The following CD86 variants were observed in gnomAD, a reference collection of about 807,000 sequenced individuals.
The protein encoded by CD86 is CD86 molecule, also known as T-lymphocyte activation antigen CD86.
A neutral mutation model predicts 32.1 loss-of-function variants in CD86; 11 were observed. The ratio of observed to expected loss-of-function variants is 0.34; its 90% CI spans 0.22 to 0.57. The LOEUF (loss-of-function observed/expected upper bound fraction) is 0.57. Ranked by LOEUF, CD86 falls within the 20% of genes least tolerant of loss-of-function variation. CD86 has a pLI of 0.86. For synonymous variants in CD86, 137 were observed against 135.3 expected, an observed-to-expected ratio of 1.01 and a Z score of -0.09; for missense variants, 359 against 398.4, an observed-to-expected ratio of 0.90 and a Z score of 0.84.
intron 3 of CD86, 24 bp downstream of exon 3, chr3:122,103,871 C>G (rs375186745): frequency 1.7e-5 from 27 of 1,572,266 alleles, no homozygotes; most frequent in Non-Finnish European, 2.4e-5. Flanking sequence ...GGTGTGTGTT[C>G]AGATTCTTAG....
intron 2 of CD86, among the ~76,000 whole-genome samples, chr3:122,098,248 A>G (rs28495824): frequency 5.3e-5 from 8 of 152,240 alleles, no homozygotes; most frequent in African/African-American, 1.9e-4. Flanking sequence ...CCAGGATGCT[A>G]TCTTCAATAG....
chr3:122,092,756 C>T (rs1413974149), intron 2 of CD86, among the ~76,000 whole-genome samples: 2 of 152,198 alleles, frequency 1.3e-5, no homozygotes, highest in African/African-American at 4.8e-5. Context: ...AGTTTGGCTA[C>T]AGCACCCACA....
chr3:122,098,082 TTTAA>T (rs1199980653), intron 2 of CD86, among the ~76,000 whole-genome samples: 1 of 152,252 alleles, frequency 6.6e-6, no homozygotes, highest in African/African-American at 2.4e-5. Context: ...ATTAAGCCTC[TTTAA>T]TTGCCTGTGG....
chr3:122,082,163 T>C (rs560219386), intron 1 of CD86, among the ~76,000 whole-genome samples: 1 of 152,324 alleles, frequency 6.6e-6, no homozygotes, highest in African/African-American at 2.4e-5. Context: ...TTGGTTTGAA[T>C]AGTACTTGTG....
chr3:122,094,654 A>G (rs1414916381), intron 2 of CD86, among the ~76,000 whole-genome samples: 1 of 152,242 alleles, frequency 6.6e-6, no homozygotes, highest in Non-Finnish European at 1.5e-5. Context: ...ATCCACCCTC[A>G]AAATGTAGAG....
chr3:122,104,125 T>A (rs186266609), intron 3 of CD86, among the ~76,000 whole-genome samples: 68 of 152,238 alleles, frequency 4.5e-4, no homozygotes, highest in African/African-American at 1.6e-3. Flanking sequence ...ACAAAGATAA[T>A]ATGGCTAATT....
At chr3:122,116,822 A>T (rs1026828556) in intron 5 of CD86, among the ~76,000 whole-genome samples, 19 of 152,204 alleles carry the variant, frequency 1.2e-4, no homozygotes, top group Non-Finnish European at 2.1e-4. Context: ...TTTCATGTAT[A>T]TGAAATTTGA....
At chr3:122,097,718 G>A (rs1003772819) in intron 2 of CD86, among the ~76,000 whole-genome samples, 8 of 152,170 alleles carry the variant, frequency 5.3e-5, no homozygotes, top group African/African-American at 1.4e-4. Flanking sequence ...AGTTAGCGTG[G>A]GGAATAGTGT....
In CD86 at chr3:122,098,282, G is replaced by C. The variant is rs2072940591; in HGVS notation, c.65-5230G>C. Among the ~76,000 whole-genome samples, 9 of 152,312 alleles carry C rather than the reference G, an allele frequency of 5.9e-5. No individual in the cohort carries two copies. In the South Asian group the frequency reaches 1.9e-3, roughly 32 times the overall value. ...AGAATGGTTAGAGAAATCTCCCTGGGAGGTAGCATTTAATGAAAGACCTAC... is the reference window on the plus strand; with the variant it reads ...AGAATGGTTAGAGAAATCTCCCTGGCAGGTAGCATTTAATGAAAGACCTAC... On this transcript the variant is annotated intron_variant, in intron 2 of 6. Transcript: ENST00000330540.
chr3:122,111,947 G>A (rs932621725), intron 5 of CD86, among the ~76,000 whole-genome samples: 1 of 152,148 alleles, frequency 6.6e-6, no homozygotes, highest in African/African-American at 2.4e-5. Flanking sequence ...CCCAGTTTAG[G>A]CTGTTTAAAT....
intron 2 of CD86, chr3:122,092,223 A>T (rs1207573403): frequency 6.6e-6 from 1 of 152,434 alleles, no homozygotes; most frequent in Non-Finnish European, 1.5e-5. Flanking sequence ...CAGCTGATTT[A>T]TAGTGGAGCC....
intron 1 of CD86, among the ~76,000 whole-genome samples, chr3:122,069,559 G>A (rs1191352900): frequency 6.6e-6 from 1 of 152,172 alleles, no homozygotes; most frequent in Non-Finnish European, 1.5e-5. Context: ...ATGTAGTCTT[G>A]CCGCTAGACT....
chr3:122,091,595 C>A lies in CD86; in HGVS notation c.15-6C>A. 1 of 1,604,892 alleles carries A rather than the reference C, an allele frequency of 6.2e-7. No individual in the cohort carries two copies. Among genetic ancestry groups the A allele is most frequent in the Non-Finnish European group, 8.5e-7 (1 of 1,173,316 alleles). ...CAAGTTTTACCTTTTTTTTTCTCGACTCTAGCACTATGGGACTGAGTAACA... is the reference window on the plus strand; with the variant it reads ...CAAGTTTTACCTTTTTTTTTCTCGAATCTAGCACTATGGGACTGAGTAACA... On this transcript the variant is annotated splice_region_variant and splice_polypyrimidine_tract_variant and intron_variant, in intron 1 of 6. Transcript: ENST00000330540.
intron 1 of CD86, among the ~76,000 whole-genome samples, chr3:122,077,571 C>A (rs2072571877): frequency 1.3e-5 from 2 of 152,202 alleles, no homozygotes; most frequent in Non-Finnish European, 2.9e-5. Context: ...GTGCCTGTCA[C>A]ATGGTTGCCC....
intron 1 of CD86, 101 bp downstream of exon 1, chr3:122,055,604 T>G: frequency 4.7e-6 from 5 of 1,069,504 alleles, no homozygotes; most frequent in Non-Finnish European, 7.2e-6. Context: ...CTTCACTTAG[T>G]TCCTAAGTGG....
intron 2 of CD86, among the ~76,000 whole-genome samples, chr3:122,100,336 G>C (rs1045437215): frequency 2.6e-5 from 4 of 152,184 alleles, no homozygotes; most frequent in Admixed American, 2.6e-4. Flanking sequence ...ACAGTAGCTG[G>C]GGCTGGAGCA....
intron 1 of CD86, among the ~76,000 whole-genome samples, chr3:122,068,677 G>C (rs934754225): frequency 6.6e-6 from 1 of 152,142 alleles, no homozygotes; most frequent in Non-Finnish European, 1.5e-5. Flanking sequence ...TAAATGTGCT[G>C]CTGTATATAT....
At chr3:122,111,775 C>A (rs980479350) in intron 5 of CD86, among the ~76,000 whole-genome samples, 1 of 152,212 alleles carries the variant, frequency 6.6e-6, no homozygotes, top group Non-Finnish European at 1.5e-5. Context: ...CACAAGCTTA[C>A]TGATAACTGG....
At position 122,103,603 on chromosome 3, in the gene CD86, G is replaced by A. The variant is rs1321449408; in HGVS notation, c.156G>A (p.Glu52=). Residue 52 remains glutamate, a synonymous_variant, in exon 3 of 7, where the codon GAG becomes GAA. Transcript: ENST00000330540. ...FANSQNQSLS[E]LVVFWQDQEN... is the part of the protein sequence containing the mutation. ...ACTCTCAAAACCAAAGCCTGAGTGA[G>A]CTAGTAGTATTTTGGCAGGACCAGG... 6.2e-7 allele frequency: 1 copy of A among 1,613,808 alleles called. No individual in the cohort carries two copies. Among genetic ancestry groups the A allele is most frequent in the Non-Finnish European group, 8.5e-7 (1 of 1,179,872 alleles).
Sources: gnomAD v4.1 joint callset for allele counts (sites outside exome capture counted in the v4.1 genomes callset) on GRCh38, gnomAD v4.1.1 for gene constraint, MANE v1.5 for transcripts, NCBI Gene and HGNC (gene_info 2026-07-23, HGNC 2026-07-21) for gene names.